HMGB1: variants seen among roughly 807,000 people sequenced by gnomAD.
The protein encoded by HMGB1 is high mobility group protein B1.
For missense variants in HMGB1, 79 were observed against 253.5 expected (o/e 0.31, Z 4.67); for synonymous variants, 81 against 84.0 (o/e 0.96, Z 0.19).
In HMGB1 at chr13:30,601,745, CAAAAAAAAAAAAAAAAAAAAAAAAAAAAA is replaced by C. The variant is rs914063726; in HGVS notation, c.-15+14897_-15+14925del. Among the ~76,000 whole-genome samples the C allele has an allele frequency of 8.5e-4, 3 of 3,542 alleles. 1 individual carries two copies. Among genetic ancestry groups the C allele is most frequent in the Non-Finnish European group, 1.2e-3 (3 of 2,534 alleles). 2.3% of individuals were successfully genotyped at this position (3,542 alleles called of 152,430 possible). A position where few individuals can be genotyped will look rare whatever the true frequency, so the allele number is the denominator to read the frequency against. ...TGGGCGACAGAGCGAGACTCCGTCT[CAAAAAAAAAAAAAAAAAAAAAAAAAAAAA>C]AAAAAAAAAAAAAATGAGGGTTGTA... On this transcript the variant is annotated intron_variant, in intron 1 of 4. Coordinates refer to the HMGB1 transcript ENST00000405805.
chr13:30,561,425 G>T (rs1044915262), intron 1 of HMGB1, among the ~76,000 whole-genome samples: 17 of 152,230 alleles, frequency 1.1e-4, no homozygotes, highest in African/African-American at 3.9e-4. Flanking sequence ...AGAGAGGCTT[G>T]CAAAGGAGCC....
intron 1 of HMGB1, among the ~76,000 whole-genome samples, chr13:30,577,055 G>T (rs538122505): frequency 6.6e-6 from 1 of 152,212 alleles, no homozygotes; most frequent in African/African-American, 2.4e-5. Context: ...TATAAGAAGA[G>T]ACTAGAGCTG....
At position 30,489,733 on chromosome 13, in the gene HMGB1, C is replaced by CTTT. The variant is rs1437282347; in HGVS notation, c.-14-26042_-14-26040dup. 1.0e-3 allele frequency among the ~76,000 whole-genome samples: 144 copies of CTTT among 138,396 alleles called. 2 individuals carry two copies. Among genetic ancestry groups the CTTT allele is most frequent in the African/African-American group, 3.5e-3 (131 of 37,494 alleles). 90.8% of individuals were successfully genotyped at this position (138,396 alleles called of 152,430 possible). On this transcript the variant is annotated intron_variant, in intron 1 of 4. Coordinates refer to the HMGB1 transcript ENST00000405805. ...TAAATGACCAATTCAAATGGAATTT[C>CTTT]TTTTTTTTTTTTTTTTCCTGAGACG...
intron 1 of HMGB1, among the ~76,000 whole-genome samples, chr13:30,571,111 G>A (rs9579607): frequency 0.25 from 38,209 of 151,934 alleles, 5,777 homozygotes; most frequent in Middle Eastern, 0.47. Flanking sequence ...GAAGGTGGAA[G>A]AAAAATCTTA....
At chr13:30,474,951 C>T (rs907982302) in intron 1 of HMGB1, among the ~76,000 whole-genome samples, 1,126 of 26,232 alleles carry the variant, frequency 0.043, no homozygotes, top group East Asian at 0.067. Context: ...TTTTTCTTTT[C>T]TTTTTTTGTT....
intron 1 of HMGB1, among the ~76,000 whole-genome samples, chr13:30,522,487 T>C (rs1203860123): frequency 2.0e-5 from 3 of 152,158 alleles, no homozygotes; most frequent in South Asian, 4.1e-4. Flanking sequence ...CTAACTGTGA[T>C]AGAGTCAGGT....
At chr13:30,604,459 T>C (rs1196438885) in intron 1 of HMGB1, among the ~76,000 whole-genome samples, 3 of 152,148 alleles carry the variant, frequency 2.0e-5, no homozygotes, top group East Asian at 1.9e-4. Flanking sequence ...GGCGGAGTGC[T>C]ACTTGCATCT....
chr13:30,476,118 C>CTT (rs71093065), intron 1 of HMGB1, among the ~76,000 whole-genome samples: 32,590 of 108,854 alleles, frequency 0.3, 5,521 homozygotes, highest in Middle Eastern at 0.43. Flanking sequence ...GTGGCATGTA[C>CTT]TTTTTTTTTT....
At chr13:30,552,137 A>T (rs573171928) in intron 1 of HMGB1, among the ~76,000 whole-genome samples, 14 of 152,296 alleles carry the variant, frequency 9.2e-5, no homozygotes, top group Non-Finnish European at 1.3e-4. Flanking sequence ...CAGAAAATTT[A>T]AAAAAGTTGT....
chr13:30,481,537 G>C (rs1427316469), intron 1 of HMGB1, among the ~76,000 whole-genome samples: 1 of 152,258 alleles, frequency 6.6e-6, no homozygotes, highest in East Asian at 1.9e-4. Flanking sequence ...ACCCAAGGCG[G>C]AGGCCTGGCA....
intron 1 of HMGB1, among the ~76,000 whole-genome samples, chr13:30,600,101 T>C (rs569824680): frequency 4.5e-4 from 69 of 152,280 alleles, no homozygotes; most frequent in Non-Finnish European, 7.4e-4. Flanking sequence ...CCACAAAGAG[T>C]ACCACTGAAA....
At chr13:30,605,745 GATT>G (rs1950451523) in intron 1 of HMGB1, among the ~76,000 whole-genome samples, 1 of 152,016 alleles carries the variant, frequency 6.6e-6, no homozygotes, top group African/African-American at 2.4e-5. Context: ...TCCAGAGAGG[GATT>G]TTTTTTTCTC....
At chr13:30,539,304 A>G (rs1868750646) in intron 1 of HMGB1, among the ~76,000 whole-genome samples, 1 of 152,178 alleles carries the variant, frequency 6.6e-6, no homozygotes, top group African/African-American at 2.4e-5. Context: ...AGGCATTCCA[A>G]TTCACCCAGC....
intron 1 of HMGB1, among the ~76,000 whole-genome samples, chr13:30,573,816 A>G (rs74792226): frequency 0.011 from 1,636 of 152,122 alleles, 40 homozygotes; most frequent in African/African-American, 0.037. Flanking sequence ...ACGTCCAGCT[A>G]ATTTTTTTGG....
chr13:30,463,993 A>G, intron 1 of HMGB1: 1 of 534,396 alleles, frequency 1.9e-6, no homozygotes, highest in Non-Finnish European at 2.5e-6. Flanking sequence ...ATGAGTATCT[A>G]ACTGGTCACT....
At chr13:30,513,466 C>A (rs895625295) in intron 1 of HMGB1, among the ~76,000 whole-genome samples, 1 of 152,210 alleles carries the variant, frequency 6.6e-6, no homozygotes, top group African/African-American at 2.4e-5. Flanking sequence ...TTCTCTATGG[C>A]ACGATCTGTA....
rs77012270 is a variant in HMGB1, at chr13:30,578,110, C to T, written c.-15+38561G>A. Among the ~76,000 whole-genome samples, 607 of 152,124 alleles carry T rather than the reference C, an allele frequency of 4.0e-3. 10 individuals carry two copies. Among genetic ancestry groups the T allele is most frequent in the East Asian group, 0.028 (146 of 5,140 alleles). ...GACCCTCAGGCAGACTCTCCCCAGC[C>T]CTCTGCCTGCAACGTCCTTGCCCTT... On this transcript the variant is annotated intron_variant, in intron 1 of 4. Transcript: ENST00000405805.
chr13:30,513,489 T>C (rs1888036574), intron 1 of HMGB1, among the ~76,000 whole-genome samples: 2 of 152,330 alleles, frequency 1.3e-5, no homozygotes, highest in South Asian at 4.1e-4. Flanking sequence ...TTCATATTTG[T>C]ATTTCTAGGG....
chr13:30,526,502 C>T (rs1016236774), intron 1 of HMGB1, among the ~76,000 whole-genome samples: 11 of 151,596 alleles, frequency 7.3e-5, no homozygotes, highest in Non-Finnish European at 1.5e-4. Flanking sequence ...GTTCTGCCTG[C>T]ATATCATTTC....
Sources: allele counts gnomAD v4.1 joint callset (sites outside exome capture counted in the v4.1 genomes callset), GRCh38; gene constraint gnomAD v4.1.1; transcripts MANE v1.5; gene names NCBI Gene and HGNC (gene_info 2026-07-23, HGNC 2026-07-21).